ASRGL1: variants seen among roughly 807,000 people sequenced by gnomAD.
The protein encoded by ASRGL1 is isoaspartyl peptidase/L-asparaginase.
A neutral mutation model predicts 22.4 loss-of-function variants in ASRGL1; 16 were observed. The ratio of observed to expected loss-of-function variants is 0.71; its 90% CI spans 0.48 to 1.08. ASRGL1 has a LOEUF of 1.08. ASRGL1 is among the 50% of genes least tolerant of loss of function. The pLI is 0.00. For synonymous variants in ASRGL1, 165 were observed against 159.3 expected (o/e 1.04, Z -0.27); for missense variants, 412 against 410.1 (o/e 1.00, Z -0.04).
chr11:62,353,080 T>A (rs1427232370), intron 2 of ASRGL1, among the ~76,000 whole-genome samples: 1 of 152,158 alleles, frequency 6.6e-6, no homozygotes, highest in African/African-American at 2.4e-5. Flanking sequence ...TCTTTTGTTA[T>A]GGTCCCACTG....
intron 4 of ASRGL1, among the ~76,000 whole-genome samples, chr11:62,383,909 G>A (rs1317095495): frequency 8.9e-6 from 1 of 111,882 alleles, no homozygotes; most frequent in Non-Finnish European, 2.0e-5. Context: ...GCAAGAGTTG[G>A]TCTCAAAAAA....
At chr11:62,354,917 A>G (rs1946242942) in intron 2 of ASRGL1, among the ~76,000 whole-genome samples, 1 of 152,068 alleles carries the variant, frequency 6.6e-6, no homozygotes, top group African/African-American at 2.4e-5. Context: ...TTTATTTTGT[A>G]GGTCATGGAG....
At chr11:62,365,596 T>TC (rs1427500685) in intron 4 of ASRGL1, among the ~76,000 whole-genome samples, 2 of 151,830 alleles carry the variant, frequency 1.3e-5, no homozygotes, top group Admixed American at 6.6e-5. Flanking sequence ...ACACCTGTAA[T>TC]CCCAGCACTT....
chr11:62,397,808 A>G (rs74536325), downstream of ASRGL1, among the ~76,000 whole-genome samples: 13,611 of 152,166 alleles, frequency 0.089, 760 homozygotes, highest in East Asian at 0.15. Context: ...CATGCCATGT[A>G]TGTTTCAGTT....
the ASRGL1 span, among the ~76,000 whole-genome samples, chr11:62,400,349 G>A: frequency 2.6e-5 from 4 of 152,210 alleles, no homozygotes; most frequent in Non-Finnish European, 4.4e-5. Flanking sequence ...TAAGCCGTCG[G>A]TAAATGTTAG....
intron 4 of ASRGL1, 60 bp from the exon 5 acceptor site, chr11:62,389,073 T>G (rs1454831228): frequency 7.1e-7 from 1 of 1,413,844 alleles, no homozygotes; most frequent in Non-Finnish European, 9.9e-7. Flanking sequence ...GGTACATTGT[T>G]GGTTATGGTG....
the ASRGL1 span, among the ~76,000 whole-genome samples, chr11:62,400,708 G>C: frequency 6.6e-6 from 1 of 152,180 alleles, no homozygotes; most frequent in Admixed American, 6.5e-5. Flanking sequence ...TCAGTGCTGT[G>C]GAGTGCCTTA....
At chr11:62,388,964 AACTT>A (rs1214217547) in intron 4 of ASRGL1, among the ~76,000 whole-genome samples, 165 bp from the exon 5 acceptor site, 1 of 152,146 alleles carries the variant, frequency 6.6e-6, no homozygotes, top group Non-Finnish European at 1.5e-5. Context: ...ATCCACCTGT[AACTT>A]ACACGTAGAA....
In ASRGL1 at chr11:62,391,767, CT is replaced by C. The variant is rs1319325864; in HGVS notation, c.721+137del. ...GATGTTGCTTTCAGGCCGTTAACAC[CT>C]TGTTTTGACTCTCCGCCTTCCCTTA... On this transcript the variant is annotated intron_variant, in intron 6 of 6. Coordinates refer to ENST00000415229, the MANE Select transcript of ASRGL1 (RefSeq NM_001083926.2). 28 of 1,126,534 alleles carry C rather than the reference CT, an allele frequency of 2.5e-5. No homozygotes were observed. In the African/African-American group the frequency reaches 3.8e-4, roughly 15 times the overall value. The allele number at this position is 1,126,534 out of a possible 1,614,324, so 69.8% of individuals were successfully genotyped here. A position where few individuals can be genotyped will look rare whatever the true frequency, so the allele number is the denominator to read the frequency against.
intron 4 of ASRGL1, among the ~76,000 whole-genome samples, chr11:62,387,303 G>C (rs1167126478): frequency 6.6e-6 from 1 of 152,118 alleles, no homozygotes; most frequent in Non-Finnish European, 1.5e-5. Flanking sequence ...CTTTGCAATG[G>C]CCTAAAGGTA....
At chr11:62,369,169 T>C (rs1215021722) in intron 4 of ASRGL1, among the ~76,000 whole-genome samples, 1 of 152,136 alleles carries the variant, frequency 6.6e-6, no homozygotes, top group Non-Finnish European at 1.5e-5. Flanking sequence ...CGCAGTGTAT[T>C]GTGTCCCTGG....
downstream of ASRGL1, among the ~76,000 whole-genome samples, chr11:62,393,846 G>A (rs1947394904): frequency 6.6e-6 from 1 of 151,624 alleles, no homozygotes; most frequent in African/African-American, 2.4e-5. Context: ...TGTCGGCCAC[G>A]TTGGTGTCTC....
At chr11:62,341,303 AT>A (rs904483886) in intron 2 of ASRGL1, among the ~76,000 whole-genome samples, 3 of 150,160 alleles carry the variant, frequency 2.0e-5, no homozygotes, top group African/African-American at 7.4e-5. Context: ...GGTTCAAGCG[AT>A]TCTCCTGCCT....
At chr11:62,357,183 TA>T (rs1233053302) in intron 4 of ASRGL1, 39 bp downstream of exon 4, 1 of 1,588,286 alleles carries the variant, frequency 6.3e-7, no homozygotes, top group Admixed American at 1.9e-5. Context: ...TGGGAGTTAT[TA>T]AAATATGAAA....
chr11:62,368,680 C>T, intron 4 of ASRGL1, among the ~76,000 whole-genome samples: 1 of 152,104 alleles, frequency 6.6e-6, no homozygotes, highest in East Asian at 1.9e-4. Context: ...ATCATTATCT[C>T]TGCCATCTCG....
At chr11:62,378,547 C>T (rs1946984311) in intron 4 of ASRGL1, among the ~76,000 whole-genome samples, 1 of 152,046 alleles carries the variant, frequency 6.6e-6, no homozygotes, top group African/African-American at 2.4e-5. Flanking sequence ...GGTAAAAAAG[C>T]AGTCCTTCAG....
intron 4 of ASRGL1, among the ~76,000 whole-genome samples, chr11:62,381,050 C>T (rs912789948): frequency 1.3e-5 from 2 of 152,196 alleles, no homozygotes; most frequent in Non-Finnish European, 2.9e-5. Flanking sequence ...TACTGAAGTT[C>T]GGCTGGCGGC....
chr11:62,338,348 G>T, intron 2 of ASRGL1, 181 bp downstream of exon 2: 1 of 724,240 alleles, frequency 1.4e-6, no homozygotes, highest in Non-Finnish European at 2.1e-6. Flanking sequence ...TAAAATATTT[G>T]TAGAGATTTA....
intron 4 of ASRGL1, among the ~76,000 whole-genome samples, chr11:62,361,978 A>C (rs1359067655): frequency 6.6e-6 from 1 of 152,192 alleles, no homozygotes; most frequent in Non-Finnish European, 1.5e-5. Flanking sequence ...TCTGTTTTAG[A>C]CACTAATTTC....
Sources: gnomAD v4.1 joint callset for allele counts (sites outside exome capture counted in the v4.1 genomes callset) on GRCh38, gnomAD v4.1.1 for gene constraint, MANE v1.5 for transcripts, NCBI Gene and HGNC (gene_info 2026-07-23, HGNC 2026-07-21) for gene names.